The following MYOCD variants were observed in gnomAD, a reference collection of about 807,000 sequenced individuals.
MYOCD encodes myocardin.
Under a neutral mutation model 96.1 loss-of-function variants are expected in MYOCD, and 32 were observed. The ratio of observed to expected loss-of-function variants is 0.33; its 90% confidence interval spans 0.25 to 0.45. The LOEUF (loss-of-function observed/expected upper bound fraction) is 0.45. Ranked by LOEUF, MYOCD falls within the 20% of genes least tolerant of loss-of-function variation. MYOCD has a pLI of 1.00. For synonymous variants in MYOCD, 469 were observed against 469.0 expected, an observed-to-expected ratio of 1.00 and a Z score of 0.00; for missense variants, 1,133 against 1,200.6, an observed-to-expected ratio of 0.94 and a Z score of 0.83.
chr17:12,722,400 G>C (rs902230455), intron 4 of MYOCD, among the ~76,000 whole-genome samples: 1 of 152,002 alleles, frequency 6.6e-6, no homozygotes, highest in Admixed American at 6.6e-5. Context: ...TGACTCAGTC[G>C]GTCACAGCAT....
chr17:12,735,156 C>T (rs769313050), intron 5 of MYOCD, among the ~76,000 whole-genome samples: 1 of 152,218 alleles, frequency 6.6e-6, no homozygotes, highest in Non-Finnish European at 1.5e-5. Context: ...CTTATCTGCA[C>T]AAGGCAAGAG....
At chr17:12,719,291 G>C (rs1275080810) in intron 4 of MYOCD, among the ~76,000 whole-genome samples, 1 of 151,220 alleles carries the variant, frequency 6.6e-6, no homozygotes, top group Non-Finnish European at 1.5e-5. Context: ...ATACACTGCT[G>C]GTGGGAGTGC....
intron 1 of MYOCD, among the ~76,000 whole-genome samples, chr17:12,668,343 A>G (rs1231012878): frequency 6.6e-6 from 1 of 152,226 alleles, no homozygotes. Flanking sequence ...CTTTGATAGT[A>G]GATCGTGGTA....
chr17:12,768,684 TGG>T lies in MYOCD; in HGVS notation c.*5042_*5043del, dbSNP rs1311325410. ...GTAAGAACGGAGGACAATGTATTGC[TGG>T]GTGCTTAAAATCCTCCCTCAGTGAA... On this transcript the variant is annotated 3_prime_UTR_variant, in exon 14 of 14. Coordinates refer to ENST00000425538, the MANE Select transcript of MYOCD (RefSeq NM_001146312.3). 3.3e-5 allele frequency: 5 copies of T among 152,102 alleles called. No individual in the cohort carries two copies. The highest frequency in any genetic ancestry group is 1.2e-4 in the African/African-American group (5 of 41,414). The allele number at this position is 152,102 out of a possible 1,614,324, so 9.4% of individuals were successfully genotyped here.
intron 7 of MYOCD, among the ~76,000 whole-genome samples, chr17:12,743,655 G>A (rs1267209797): frequency 6.6e-6 from 1 of 151,794 alleles, no homozygotes; most frequent in Non-Finnish European, 1.5e-5. Context: ...ACCACACCTG[G>A]CTACTTTTTG....
At chr17:12,716,381 T>G (rs2031640450) in intron 3 of MYOCD, among the ~76,000 whole-genome samples, 1 of 152,066 alleles carries the variant, frequency 6.6e-6, no homozygotes, top group African/African-American at 2.4e-5. Flanking sequence ...CACTGGGAGA[T>G]CCACTGTAGT....
At position 12,665,936 on chromosome 17, in the gene MYOCD, C is replaced by T. The variant is rs1909348092; in HGVS notation, c.-253C>T. The T allele has an allele frequency of 3.8e-6, 2 of 526,538 alleles. No homozygotes were observed. Among genetic ancestry groups the T allele is most frequent in the Non-Finnish European group, 6.8e-6 (2 of 295,902 alleles). The allele number at this position is 526,538 out of a possible 1,614,324, so 32.6% of individuals were successfully genotyped here. A position where few individuals can be genotyped will look rare whatever the true frequency, so the allele number is the denominator to read the frequency against. The stretch of plus-strand genomic sequence containing the variant: ...TCAGACAGGAACGCCTGGGATGCCG[C>T]GCTGCTCCTGGCCAACCTCCGAGGA... On this transcript the variant is annotated 5_prime_UTR_variant, in exon 1 of 14. Coordinates refer to ENST00000425538, the MANE Select transcript of MYOCD (RefSeq NM_001146312.3). The surrounding 1 kb of genome is among the most constrained non-coding windows in gnomAD (Gnocchi z 4.2).
At chr17:12,677,726 G>A (rs555978976) in intron 1 of MYOCD, among the ~76,000 whole-genome samples, 1 of 151,008 alleles carries the variant, frequency 6.6e-6, no homozygotes, top group South Asian at 2.1e-4. Context: ...AAAAAAAAGT[G>A]TATATTAATT....
rs1909347101 is a variant in MYOCD, at chr17:12,665,927, G to A, written c.-262G>A. ...CCTATGACATCAGACAGGAACGCCT[G>A]GGATGCCGCGCTGCTCCTGGCCAAC... is the stretch of plus-strand genomic sequence containing the variant. On this transcript the variant is annotated 5_prime_UTR_variant, in exon 1 of 14. An upstream open reading frame in the 5' UTR gains an earlier in-frame stop. Coordinates refer to ENST00000425538, the MANE Select transcript of MYOCD (RefSeq NM_001146312.3). The surrounding 1 kb of genome is among the most constrained non-coding windows in gnomAD (Gnocchi z 4.2). 1 of 517,126 alleles carries A rather than the reference G, an allele frequency of 1.9e-6. No individual in the cohort carries two copies. Among genetic ancestry groups the A allele is most frequent in the Non-Finnish European group, 3.4e-6 (1 of 290,606 alleles). The allele number at this position is 517,126 out of a possible 1,614,324, so 32.0% of individuals were successfully genotyped here.
intron 6 of MYOCD, 104 bp downstream of exon 6, chr17:12,736,440 A>G (rs2150703971): frequency 8.5e-7 from 1 of 1,181,820 alleles, no homozygotes; most frequent in East Asian, 2.5e-5. Flanking sequence ...TGCTTAGAGA[A>G]TGCAGAGATG....
At chr17:12,749,642 T>C (rs2032775988) in intron 9 of MYOCD, among the ~76,000 whole-genome samples, 2 of 147,456 alleles carry the variant, frequency 1.4e-5, no homozygotes, top group Non-Finnish European at 3.0e-5. Context: ...TACGTGTGTA[T>C]ATATACACAC....
chr17:12,692,331 A>G (rs867513345), intron 1 of MYOCD, among the ~76,000 whole-genome samples: 1 of 152,226 alleles, frequency 6.6e-6, no homozygotes. Context: ...CTTTCTTGTG[A>G]AGCAGCCATT....
intron 3 of MYOCD, among the ~76,000 whole-genome samples, chr17:12,717,127 G>C (rs565463260): frequency 4.0e-5 from 6 of 150,958 alleles, no homozygotes; most frequent in Non-Finnish European, 7.4e-5. Flanking sequence ...CTTTAGGTTT[G>C]TAGCCCTGAT....
intron 5 of MYOCD, among the ~76,000 whole-genome samples, chr17:12,727,755 C>T (rs1234602628): frequency 1.3e-5 from 2 of 152,200 alleles, no homozygotes; most frequent in Non-Finnish European, 2.9e-5. Context: ...ACATTTTTGA[C>T]AGAGGACTGT....
At chr17:12,742,307 CAA>C (rs2032535106) in intron 7 of MYOCD, among the ~76,000 whole-genome samples, 1 of 152,174 alleles carries the variant, frequency 6.6e-6, no homozygotes, top group African/African-American at 2.4e-5. Context: ...CTTTGGAAAA[CAA>C]AAGAGCCTTT....
chr17:12,693,237 C>G (rs894737692), intron 1 of MYOCD, among the ~76,000 whole-genome samples: 3 of 152,012 alleles, frequency 2.0e-5, no homozygotes, highest in Non-Finnish European at 4.4e-5. Context: ...CTACTTGTTC[C>G]TGAAGTTCAT....
At chr17:12,689,661 G>C (rs58501515) in intron 1 of MYOCD, among the ~76,000 whole-genome samples, 1 of 151,954 alleles carries the variant, frequency 6.6e-6, no homozygotes, top group African/African-American at 2.4e-5. Context: ...GTGAAACCCC[G>C]TCTCTACTAA....
chr17:12,728,978 C>T lies in MYOCD; in HGVS notation c.415+5970C>T, dbSNP rs141824295. Among the ~76,000 whole-genome samples the T allele has an allele frequency of 3.8e-3, 575 of 152,276 alleles. 1 individual carries two copies. The highest frequency in any genetic ancestry group is 5.8e-3 in the Non-Finnish European group (397 of 68,024). ...AGTCACTGCTCACCAATGTGCCCCA[C>T]GCTTAGACTTCATAACAAAACCCTC... is the stretch of plus-strand genomic sequence containing the variant. On this transcript the variant is annotated intron_variant, in intron 5 of 13. Coordinates refer to ENST00000425538, the MANE Select transcript of MYOCD (RefSeq NM_001146312.3).
At chr17:12,706,114 G>C (rs930726545) in intron 2 of MYOCD, 1 of 152,218 alleles carries the variant, frequency 6.6e-6, no homozygotes, top group Non-Finnish European at 1.5e-5. Context: ...TTTAGTCTTT[G>C]TTTCAGAGCC....
Sources: allele counts gnomAD v4.1 joint callset (sites outside exome capture counted in the v4.1 genomes callset), GRCh38; gene constraint gnomAD v4.1.1; non-coding constraint Gnocchi (gnomAD v3.1); transcripts MANE v1.5; gene names NCBI Gene and HGNC (gene_info 2026-07-23, HGNC 2026-07-21).